C21orf91: variants seen among roughly 807,000 people sequenced by gnomAD.
C21orf91 encodes the protein protein EURL homolog.
In C21orf91, 26 loss-of-function variants were observed where a neutral mutation model predicts 32.9. That is an observed-to-expected ratio of 0.79 (90% confidence interval 0.58 to 1.10). C21orf91 has a LOEUF of 1.10. Ranked by LOEUF, C21orf91 falls within the 50% of genes least tolerant of loss-of-function variation. The pLI is 0.00. For synonymous variants in C21orf91, 126 were observed against 120.4 expected (o/e 1.05, Z -0.31); for missense variants, 310 against 341.3 (o/e 0.91, Z 0.72).
At chr21:17,819,003 C>A (rs1396277556) in intron 1 of C21orf91, 1 of 152,218 alleles carries the variant, frequency 6.6e-6, no homozygotes, top group Non-Finnish European at 1.5e-5. Context: ...GGGAGAGCCT[C>A]GTCCCATCGC....
At position 17,818,310 on chromosome 21, in the gene C21orf91, T is replaced by C; in HGVS notation, c.9A>G (p.Glu3=). 2 of 1,611,556 alleles carry C rather than the reference T, an allele frequency of 1.2e-6. No homozygotes were observed. The highest frequency in any genetic ancestry group is 2.7e-5 in the African/African-American group (2 of 74,952). The change falls in exon 2 of 5, where the codon GAA becomes GAG. Residue 3 remains glutamate, a synonymous_variant. Transcript: ENST00000284881. MN[E]EEQFVNIDLN... is the part of the protein sequence containing the mutation. Reference sequence around the variant, plus strand: ...AATCAATGTTTACAAACTGCTCCTCTTCGTTCATAGTGCCCCTATTAAGAA... The same window carrying C: ...AATCAATGTTTACAAACTGCTCCTCCTCGTTCATAGTGCCCCTATTAAGAA...
intron 2 of C21orf91, among the ~76,000 whole-genome samples, chr21:17,812,536 G>C (rs2062639034): frequency 6.6e-6 from 1 of 152,144 alleles, no homozygotes; most frequent in African/African-American, 2.4e-5. Flanking sequence ...TTGGCCGGGC[G>C]CGGTGGCTCA....
rs140835322 is a variant in C21orf91 at position 17,802,557 on chromosome 21, G to A, written c.128-5439C>T. On this transcript the variant is annotated intron_variant, in intron 2 of 4. Transcript: ENST00000284881. ...CCAATTGTAGGAACAATTTTTTTTC[G>A]TAACAAAAATAATACTCCAAATGGC... Among the ~76,000 whole-genome samples, 30 of 151,964 alleles carry A rather than the reference G, an allele frequency of 2.0e-4. No homozygotes were observed. The East Asian group carries it at 5.6e-3, about 28-fold the overall frequency.
At chr21:17,798,619 C>G (rs559749696) in intron 2 of C21orf91, among the ~76,000 whole-genome samples, 1 of 152,242 alleles carries the variant, frequency 6.6e-6, no homozygotes, top group South Asian at 2.1e-4. Flanking sequence ...ATTGTGAGCA[C>G]GTATACATTT....
rs1460192834 is a variant in C21orf91 at position 17,793,060 on chromosome 21, C to T, written c.*355G>A. The T allele has an allele frequency of 1.3e-5, 2 of 156,206 alleles. No individual in the cohort carries two copies. Among genetic ancestry groups the T allele is most frequent in the African/African-American group, 4.8e-5 (2 of 41,514 alleles). The allele number at this position is 156,206 out of a possible 1,614,324, so 9.7% of individuals were successfully genotyped here. A position where few individuals can be genotyped will look rare whatever the true frequency, so the allele number is the denominator to read the frequency against. Reference sequence around the variant, plus strand: ...TAAGAGGTGATATGAATTCCATTTCCCTCTTAAAAATTATCTCTAGTAGTT... The same window carrying T: ...TAAGAGGTGATATGAATTCCATTTCTCTCTTAAAAATTATCTCTAGTAGTT... On this transcript the variant is annotated 3_prime_UTR_variant, in exon 5 of 5. Coordinates refer to ENST00000284881, the MANE Select transcript of C21orf91 (RefSeq NM_001100420.2).
chr21:17,806,441 A>T (rs2062594364), intron 2 of C21orf91, among the ~76,000 whole-genome samples: 2 of 152,224 alleles, frequency 1.3e-5, no homozygotes, highest in African/African-American at 4.8e-5. Flanking sequence ...CTGATATGCT[A>T]ATCATTCTTT....
In C21orf91 at chr21:17,796,882, T is replaced by C. The variant is rs769135295; in HGVS notation, c.364A>G (p.Asn122Asp). 6.2e-7 allele frequency: 1 copy of C among 1,613,990 alleles called. No homozygotes were observed. Among genetic ancestry groups the C allele is most frequent in the East Asian group, 2.2e-5 (1 of 44,874 alleles). The change falls in exon 3 of 5, where the codon AAT (asparagine) becomes GAT (aspartate). Residue 122 changes from asparagine to aspartate, a missense_variant. Coordinates refer to ENST00000284881, the MANE Select transcript of C21orf91 (RefSeq NM_001100420.2). ...TTTTCTTCTGGCTTATGCCTGAAAT[T>C]AAACAGATGATGCTGGGGGTTTTTA... ...CSKNPQHHLF[N>D]FRHKPEEKLL...
At chr21:17,801,512 CGCCCGCCTCG>C (rs2062560986) in intron 2 of C21orf91, among the ~76,000 whole-genome samples, 1 of 151,984 alleles carries the variant, frequency 6.6e-6, no homozygotes, top group Non-Finnish European at 1.5e-5. Flanking sequence ...CCTTGTGATC[CGCCCGCCTCG>C]GCCTCCTAAA....
At chr21:17,800,303 C>T (rs1338742162) in intron 2 of C21orf91, among the ~76,000 whole-genome samples, 1 of 152,038 alleles carries the variant, frequency 6.6e-6, no homozygotes, top group Non-Finnish European at 1.5e-5. Context: ...TTAAAAATAT[C>T]CTGTGCAGCA....
Position 17,796,680 on chromosome 21 carries a change from C to T in C21orf91, c.566G>A (p.Trp189Ter). Residue 189 changes from tryptophan (W) to a stop codon, truncating the protein, a stop_gained, in exon 3 of 5, where the codon TGG (tryptophan) becomes TAG (stop). Transcript: ENST00000284881. LOFTEE classifies it high-confidence loss of function. ...CTGTGCCTGGTTGTGACTATGAGGC[C>T]ACAATACACTGTTACGACATAAAGT... ...GATLCRNSVLWPHSHNQAQKK... is the reference protein window; with the variant it reads ...GATLCRNSVL 3 of 1,613,832 alleles carry T rather than the reference C, an allele frequency of 1.9e-6. No homozygotes were observed. The highest frequency in any genetic ancestry group is 2.5e-6 in the Non-Finnish European group (3 of 1,179,746).
Position 17,797,013 on chromosome 21 carries a change from A to T in C21orf91, c.233T>A (p.Leu78His), listed in dbSNP as rs770118588. Reference protein sequence around the residue: ...IANQGCPRSKLSKSTYEEVKT... With the variant: ...IANQGCPRSKHSKSTYEEVKT... ...AACTTCTTCATAAGTACTTTTTGAA[A>T]GCTTAGATCGAGGACAACCCTGGTT... The change falls in exon 3 of 5, where the codon CTT becomes CAT. Residue 78 changes from leucine to histidine, a missense_variant. By Grantham distance (99) the Leu-to-His change is moderately conservative. Transcript: ENST00000284881. 5 of 1,613,110 alleles carry T rather than the reference A, an allele frequency of 3.1e-6. No individual in the cohort carries two copies. The Admixed American group carries it at 5.0e-5, about 16-fold the overall frequency.
chr21:17,817,367 T>C (rs1442673279), intron 2 of C21orf91, among the ~76,000 whole-genome samples: 3 of 152,040 alleles, frequency 2.0e-5, no homozygotes, highest in Non-Finnish European at 4.4e-5. Context: ...AAATTTCAAA[T>C]ATATAATACA....
At chr21:17,815,177 T>C (rs1411888341) in intron 2 of C21orf91, among the ~76,000 whole-genome samples, 1 of 152,172 alleles carries the variant, frequency 6.6e-6, no homozygotes, top group African/African-American at 2.4e-5. Context: ...AAACCAGTGT[T>C]GATTTGATGT....
rs760567761 is a variant in C21orf91, at chr21:17,797,326, ATCTT to A, written c.128-212_128-209del. ...ATATTAAATTCTTATGGATAGCAAA[ATCTT>A]TCTAAGAACTTAATTATTCAATTTT... On this transcript the variant is annotated intron_variant, in intron 2 of 4. Transcript: ENST00000284881. 2.6e-5 allele frequency among the ~76,000 whole-genome samples: 4 copies of A among 152,208 alleles called. No individual in the cohort carries two copies. In the South Asian group the frequency reaches 6.2e-4, roughly 24 times the overall value.
intron 2 of C21orf91, chr21:17,817,730 T>G (rs1308438430): frequency 6.6e-6 from 1 of 152,276 alleles, no homozygotes; most frequent in Non-Finnish European, 1.5e-5. Flanking sequence ...GAAAAGAGGT[T>G]AATCTAAAAA....
At position 17,791,446 on chromosome 21, in the gene C21orf91, A is replaced by C. The variant is rs570186220; in HGVS notation, c.*1969T>G. On this transcript the variant is annotated 3_prime_UTR_variant, in exon 5 of 5. Coordinates refer to ENST00000284881, the MANE Select transcript of C21orf91 (RefSeq NM_001100420.2). The stretch of plus-strand genomic sequence containing the variant: ...TTCTTTGGATAACACTGTTGTATTC[A>C]GGACTGCAACTTATGGCTCATATTC... 1.3e-5 allele frequency: 2 copies of C among 152,282 alleles called. No individual in the cohort carries two copies. The highest frequency in any genetic ancestry group is 3.9e-4 in the East Asian group (2 of 5,192). The allele number at this position is 152,282 out of a possible 1,614,324, so 9.4% of individuals were successfully genotyped here.
At chr21:17,817,620 G>A (rs920568582) in intron 2 of C21orf91, 1 of 151,538 alleles carries the variant, frequency 6.6e-6, no homozygotes, top group Non-Finnish European at 1.5e-5. Context: ...TTTCTTTTTG[G>A]ATTTGGAGAA....
intron 2 of C21orf91, chr21:17,817,922 C>T (rs1366685909): frequency 7.5e-6 from 2 of 264,926 alleles, no homozygotes. Context: ...AACCAGAAAA[C>T]ACGTTTCCCA....
At position 17,818,263 on chromosome 21, in the gene C21orf91, C is replaced by T; in HGVS notation, c.56G>A (p.Ser19Asn). ...NIDLNDDNIC[S>N]VCKLGTDKET... is the part of the protein sequence containing the mutation. ...TTTGTCTGTTCCCAGTTTACAAACACTGCAAATGTTGTCATCATTCAAATC... is the reference window on the plus strand; with the variant it reads ...TTTGTCTGTTCCCAGTTTACAAACATTGCAAATGTTGTCATCATTCAAATC... Residue 19 changes from serine to asparagine, a missense_variant, in exon 2 of 5, where the codon AGT (serine) becomes AAT (asparagine). Ser to Asn is a conservative substitution (Grantham distance 46, BLOSUM62 1). Coordinates refer to ENST00000284881, the MANE Select transcript of C21orf91 (RefSeq NM_001100420.2). 10 of 1,611,714 alleles carry T rather than the reference C, an allele frequency of 6.2e-6. No homozygotes were observed. The highest frequency in any genetic ancestry group is 8.5e-6 in the Non-Finnish European group (10 of 1,177,814).
Sources: allele counts gnomAD v4.1 joint callset (sites outside exome capture counted in the v4.1 genomes callset), GRCh38; gene constraint gnomAD v4.1.1; transcripts MANE v1.5; gene names NCBI Gene and HGNC (gene_info 2026-07-23, HGNC 2026-07-21).